Variants in OSBP2 observed in about 807,000 individuals in gnomAD.
OSBP2 encodes oxysterol-binding protein 2.
Under a neutral mutation model 96.0 loss-of-function variants are expected in OSBP2, and 66 were observed. The observed-to-expected ratio is 0.69, with a 90% CI of 0.56 to 0.84. The LOEUF (loss-of-function observed/expected upper bound fraction) is 0.84. OSBP2 is among the 40% of genes least tolerant of loss of function. The probability of loss-of-function intolerance (pLI) is 0.00; values close to 1 mark genes in which losing one functional copy is unlikely to be tolerated. For missense variants in OSBP2, 1,038 were observed against 1,222.7 expected (o/e 0.85, Z 2.25); for synonymous variants, 525 against 520.9 (o/e 1.01, Z -0.11).
At chr22:30,706,028 G>A (rs946701317) in intron 1 of OSBP2, among the ~76,000 whole-genome samples, 3 of 152,176 alleles carry the variant, frequency 2.0e-5, no homozygotes, top group African/African-American at 7.2e-5. Context: ...AGGCTGTGAG[G>A]TTCCCTAGAA....
chr22:30,846,358 G>T lies in OSBP2; in HGVS notation c.854-24071G>T, dbSNP rs550733403. Among the ~76,000 whole-genome samples the T allele has an allele frequency of 9.3e-4, 142 of 152,138 alleles. 3 individuals carry two copies. In the South Asian group the frequency reaches 0.017, roughly 18 times the overall value. On this transcript the variant is annotated intron_variant, in intron 2 of 13. Transcript: ENST00000332585. ...GACAGGGTCTCACCATATTGGCCAG[G>T]CAGGCTGGTCTTGAACTCCTGACCT...
At position 30,716,542 on chromosome 22, in the gene OSBP2, A is replaced by G. The variant is rs1602162736; in HGVS notation, c.644+20989A>G. 4.6e-5 allele frequency among the ~76,000 whole-genome samples: 7 copies of G among 151,996 alleles called. No homozygotes were observed. In the South Asian group the frequency reaches 1.5e-3, roughly 32 times the overall value. On this transcript the variant is annotated intron_variant, in intron 1 of 13. Transcript: ENST00000332585. ...AACCTCCGCCTCCCAGGTTCAAGCA[A>G]TTCTCCTGCCTCAGCCTTCTGAGTA... is the stretch of plus-strand genomic sequence containing the variant.
chr22:30,723,634 G>A (rs369076057), intron 1 of OSBP2, among the ~76,000 whole-genome samples: 1 of 151,624 alleles, frequency 6.6e-6, no homozygotes, highest in East Asian at 2.0e-4. Context: ...GGCTGGTCTC[G>A]AACTCCTGAC....
In OSBP2 at chr22:30,709,387, C is replaced by T. The variant is rs1161945861; in HGVS notation, c.644+13834C>T. On this transcript the variant is annotated intron_variant, in intron 1 of 13. Transcript: ENST00000332585. Reference sequence around the variant, plus strand: ...TCTCCTCTGTAAGGTCTTAGTTTGACAGATGGATCTAGAAAGTTGAATAGG... The same window carrying T: ...TCTCCTCTGTAAGGTCTTAGTTTGATAGATGGATCTAGAAAGTTGAATAGG... Among the ~76,000 whole-genome samples, 4 of 152,198 alleles carry T rather than the reference C, an allele frequency of 2.6e-5. No individual in the cohort carries two copies. In the South Asian group the frequency reaches 6.2e-4, roughly 24 times the overall value.
chr22:30,859,420 C>T (rs1268744380), intron 2 of OSBP2, among the ~76,000 whole-genome samples: 3 of 152,244 alleles, frequency 2.0e-5, no homozygotes, highest in Admixed American at 2.0e-4. Flanking sequence ...GGATCCCCCT[C>T]ACTGGTCAGG....
Position 30,730,716 on chromosome 22 carries a change from G to GTCTCTCTC in OSBP2, c.645-10393_645-10386dup, listed in dbSNP as rs1191165719. On this transcript the variant is annotated intron_variant, in intron 1 of 13. Coordinates refer to ENST00000332585, the MANE Select transcript of OSBP2 (RefSeq NM_030758.4). ...CATCTGGATTCAGATTCGCTGCCCT[G>GTCTCTCTC]TCTCTCTCTCTCTCTCTCTCTCTCT... Among the ~76,000 whole-genome samples, 66 of 19,956 alleles carry GTCTCTCTC rather than the reference G, an allele frequency of 3.3e-3. 6 individuals carry two copies. Among genetic ancestry groups the GTCTCTCTC allele is most frequent in the East Asian group, 3.9e-3 (3 of 770 alleles). 13.1% of individuals were successfully genotyped at this position (19,956 alleles called of 152,430 possible). A position where few individuals can be genotyped will look rare whatever the true frequency, so the allele number is the denominator to read the frequency against.
chr22:30,875,002 G>A (rs922680476), intron 3 of OSBP2, among the ~76,000 whole-genome samples: 12 of 152,184 alleles, frequency 7.9e-5, no homozygotes, highest in East Asian at 3.9e-4. Context: ...GGGTGTCCCC[G>A]ACAGTAGCTC....
At chr22:30,752,288 C>CCT (rs2090085444) in intron 2 of OSBP2, among the ~76,000 whole-genome samples, 1 of 48,654 alleles carries the variant, frequency 2.1e-5, no homozygotes. Flanking sequence ...CTTTGCTTTG[C>CCT]TTTTTTTTTT....
Position 30,881,321 on chromosome 22 carries a change from G to A in OSBP2, c.1108-6105G>A, listed in dbSNP as rs920486860. Among the ~76,000 whole-genome samples the A allele has an allele frequency of 5.9e-5, 9 of 152,174 alleles. No individual in the cohort carries two copies. The highest frequency in any genetic ancestry group is 2.1e-4 in the South Asian group (1 of 4,834). ...GGACTCTGTAGGAGCCCAGGAGGGC[G>A]CCAGGAGATTACAGGCCTGTCCCAG... On this transcript the variant is annotated intron_variant, in intron 3 of 13. Transcript: ENST00000332585. This position sits in a 1 kb window ranked among gnomAD's most constrained non-coding sequence, Gnocchi z 4.5.
intron 1 of OSBP2, among the ~76,000 whole-genome samples, chr22:30,706,860 T>A (rs953792263): frequency 6.6e-6 from 1 of 152,184 alleles, no homozygotes; most frequent in Non-Finnish European, 1.5e-5. Flanking sequence ...CCCAGGGTCA[T>A]CTCAGCATGG....
chr22:30,822,661 T>G, intron 2 of OSBP2: 1 of 1,533,924 alleles, frequency 6.5e-7, no homozygotes, highest in East Asian at 2.4e-5. Context: ...GGACACGGCC[T>G]CCGTGCGCTC....
At position 30,767,109 on chromosome 22, in the gene OSBP2, A is replaced by G. The variant is rs1176831055; in HGVS notation, c.853+25740A>G. Among the ~76,000 whole-genome samples the G allele has an allele frequency of 4.3e-5, 6 of 138,708 alleles. No individual in the cohort carries two copies. The South Asian group carries it at 1.4e-3, about 32-fold the overall frequency. 91.0% of individuals were successfully genotyped at this position (138,708 alleles called of 152,430 possible). On this transcript the variant is annotated intron_variant, in intron 2 of 13. Transcript: ENST00000332585. ...AACTGTTGTTATCAGCCTGGCCAAC[A>G]CGGTGAAATCCCATCTCTACTAAAA...
At chr22:30,829,548 G>T (rs1288615078) in intron 2 of OSBP2, among the ~76,000 whole-genome samples, 2 of 152,210 alleles carry the variant, frequency 1.3e-5, no homozygotes, top group Non-Finnish European at 2.9e-5. Flanking sequence ...CTGCCAAAGT[G>T]CTGGGATTAC....
rs114558866 is a variant in OSBP2, at chr22:30,755,281, A to G, written c.853+13912A>G. ...GGGCAGCTGATGGCTGGGACCTCAG[A>G]TGATGTCCTGGGCCACAGATCAGGA... On this transcript the variant is annotated intron_variant, in intron 2 of 13. Coordinates refer to ENST00000332585, the MANE Select transcript of OSBP2 (RefSeq NM_030758.4). Among the ~76,000 whole-genome samples, 1,267 of 152,288 alleles carry G rather than the reference A, an allele frequency of 8.3e-3. 20 individuals are homozygous for G. Among genetic ancestry groups the G allele is most frequent in the African/African-American group, 0.027 (1,121 of 41,568 alleles).
chr22:30,826,704 A>T (rs185383565), intron 2 of OSBP2, among the ~76,000 whole-genome samples: 86 of 152,288 alleles, frequency 5.6e-4, no homozygotes, highest in Non-Finnish European at 1.1e-3. Flanking sequence ...TGGTGTTTGG[A>T]ACCGGCCCAC....
intron 1 of OSBP2, among the ~76,000 whole-genome samples, chr22:30,699,029 A>G (rs989871373): frequency 6.6e-6 from 1 of 150,568 alleles, no homozygotes; most frequent in South Asian, 2.1e-4. Context: ...ACACCCTCCC[A>G]CTCCCAGGTT....
Position 30,695,144 on chromosome 22 carries a change from A to G in OSBP2, c.235A>G (p.Arg79Gly), listed in dbSNP as rs2089003495. Reference protein sequence around the residue: ...VSEAVSEAVPRSEPVSETTSE... With the variant: ...VSEAVSEAVPGSEPVSETTSE... ...GGAGGCAGTTTCGGAGGCAGTGCCAAGATCGGAACCTGTGTCCGAGACGAC... is the reference window on the plus strand; with the variant it reads ...GGAGGCAGTTTCGGAGGCAGTGCCAGGATCGGAACCTGTGTCCGAGACGAC... The change falls in exon 1 of 14, where the codon AGA becomes GGA. Residue 79 changes from arginine (R) to glycine (G), a missense_variant. Physicochemically the swap from Arg to Gly is moderately radical, Grantham distance 125. Around this residue, in one of 3 missense-constraint regions of OSBP2, gnomAD observed 281 missense variants for 273.4 expected, o/e 1.03. Transcript: ENST00000332585. 4 of 1,606,186 alleles carry G rather than the reference A, an allele frequency of 2.5e-6. No homozygotes were observed. The highest frequency in any genetic ancestry group is 1.7e-5 in the Admixed American group (1 of 59,332).
chr22:30,698,695 C>T (rs2089100804), intron 1 of OSBP2, among the ~76,000 whole-genome samples: 1 of 152,186 alleles, frequency 6.6e-6, no homozygotes, highest in East Asian at 1.9e-4. Flanking sequence ...GCCTTGGCCT[C>T]CCAAAGTGCT....
chr22:30,696,522 C>T (rs746331935), intron 1 of OSBP2, among the ~76,000 whole-genome samples: 8 of 152,214 alleles, frequency 5.3e-5, no homozygotes, highest in Non-Finnish European at 1.0e-4. Context: ...TCCAGGACCA[C>T]ACTCTGAGAA....
Sources: allele counts gnomAD v4.1 joint callset (sites outside exome capture counted in the v4.1 genomes callset), GRCh38; gene constraint gnomAD v4.1.1; regional missense constraint gnomAD v4.1.1; non-coding constraint Gnocchi (gnomAD v3.1); transcripts MANE v1.5; gene names NCBI Gene and HGNC (gene_info 2026-07-23, HGNC 2026-07-21).